NCOA1: variants seen among roughly 807,000 people sequenced by gnomAD.
The protein encoded by NCOA1 is Hin-2 protein.
NCOA1 carries 35 observed loss-of-function variants against 150.9 expected under a neutral mutation model. The observed-to-expected ratio is 0.23, with a 90% CI of 0.18 to 0.31. The LOEUF is 0.31. Ranked by LOEUF, NCOA1 falls within the 10% of genes least tolerant of loss-of-function variation. The pLI, the probability that NCOA1 is intolerant of heterozygous loss-of-function variation, is 1.00. For synonymous variants in NCOA1, 590 were observed against 630.0 expected, an observed-to-expected ratio of 0.94 and a Z score of 0.95; for missense variants, 1,491 against 1,749.3, an observed-to-expected ratio of 0.85 and a Z score of 2.63.
At chr2:24,592,577 AATTTT>A (rs1667700760) in intron 3 of NCOA1, among the ~76,000 whole-genome samples, 1 of 86,926 alleles carries the variant, frequency 1.2e-5, no homozygotes, top group African/African-American at 3.9e-5. Context: ...ATCCCCTCCT[AATTTT>A]TTTTTTTTTT....
At chr2:24,693,426 G>A (rs1166149222) in intron 10 of NCOA1, 79 bp downstream of exon 10, 1 of 1,238,854 alleles carries the variant, frequency 8.1e-7, no homozygotes, top group African/African-American at 1.5e-5. Flanking sequence ...TATCCAGAAT[G>A]TCTTTCTGTT....
chr2:24,496,908 ACT>A (rs1277105850), intron 1 of NCOA1, among the ~76,000 whole-genome samples: 2 of 152,300 alleles, frequency 1.3e-5, no homozygotes, highest in African/African-American at 2.4e-5. Context: ...CCAAAATATG[ACT>A]CTCAAATATT....
rs558479228 is a variant in NCOA1, at chr2:24,631,656, GTCATA to G, written c.-174-12304_-174-12300del. ...CATTAAGCCACAATTTCTTTTGACA[GTCATA>G]TCATAAGGCAATATTTGGTAATGGA... is the stretch of plus-strand genomic sequence containing the variant. On this transcript the variant is annotated intron_variant, in intron 3 of 22. Transcript: ENST00000348332. Among the ~76,000 whole-genome samples the G allele has an allele frequency of 7.2e-5, 11 of 152,234 alleles. No individual in the cohort carries two copies. In the East Asian group the frequency reaches 1.9e-3, roughly 27 times the overall value.
chr2:24,611,183 C>T (rs1281439433), intron 3 of NCOA1, among the ~76,000 whole-genome samples: 2 of 152,180 alleles, frequency 1.3e-5, no homozygotes, highest in Admixed American at 6.5e-5. Flanking sequence ...TTAGTTCCCA[C>T]TCATAAATGA....
At chr2:24,727,389 T>C (rs934266550) in intron 15 of NCOA1, among the ~76,000 whole-genome samples, 10 of 152,256 alleles carry the variant, frequency 6.6e-5, no homozygotes, top group Admixed American at 5.9e-4. Context: ...ATATTATTAT[T>C]TTGTCCAGCA....
rs141963010 is a variant in NCOA1 at position 24,674,151 on chromosome 2, G to GTGTGTGTGTGTGTGTGTGTGTGTA, written c.354+689_354+690insGTGTGTGTGTGTGTGTGTGTGTAT. ...TGTGTGTGTGTGTGTGTGTGTGTGT[G>GTGTGTGTGTGTGTGTGTGTGTGTA]TATATATTTCTATCTCTAGGTCTAA... On this transcript the variant is annotated intron_variant, in intron 7 of 22. Coordinates refer to ENST00000348332, the MANE Select transcript of NCOA1 (RefSeq NM_003743.5). Among the ~76,000 whole-genome samples, 5 of 145,172 alleles carry GTGTGTGTGTGTGTGTGTGTGTGTA rather than the reference G, an allele frequency of 3.4e-5. No individual in the cohort carries two copies. The South Asian group carries it at 1.1e-3, about 31-fold the overall frequency.
rs1194574174 is a variant in NCOA1, at chr2:24,491,481, A to C, written c.-517A>C. ...CCCTGCGGGGGGACCCCTGCTCCGG[A>C]GGAGGGGGCCGGAGAGCCGCGGCGC... On this transcript the variant is annotated 5_prime_UTR_variant, in exon 1 of 23. Transcript: ENST00000348332. Among the ~76,000 whole-genome samples, 5 of 1,416 alleles carry C rather than the reference A, an allele frequency of 3.5e-3. No individual in the cohort carries two copies. Among genetic ancestry groups the C allele is most frequent in the Non-Finnish European group, 8.6e-3 (5 of 584 alleles). 0.9% of individuals were successfully genotyped at this position (1,416 alleles called of 152,430 possible). A position where few individuals can be genotyped will look rare whatever the true frequency, so the allele number is the denominator to read the frequency against.
intron 1 of NCOA1, among the ~76,000 whole-genome samples, chr2:24,522,424 A>G (rs948235132): frequency 6.6e-5 from 10 of 152,210 alleles, no homozygotes; most frequent in African/African-American, 1.7e-4. Context: ...TGAAGAAAAT[A>G]TGGACCTTGC....
At chr2:24,730,610 G>A (rs1662951952) in intron 17 of NCOA1, among the ~76,000 whole-genome samples, 1 of 152,152 alleles carries the variant, frequency 6.6e-6, no homozygotes, top group Admixed American at 6.5e-5. Context: ...GGAGTTGTGA[G>A]TGAGTTAAAT....
chr2:24,651,713 T>C (rs1336944185), intron 4 of NCOA1, among the ~76,000 whole-genome samples: 1 of 151,972 alleles, frequency 6.6e-6, no homozygotes, highest in Admixed American at 6.6e-5. Flanking sequence ...TTTTAAAAAA[T>C]AGGCAAAGGA....
chr2:24,625,085 A>G (rs916235869), intron 3 of NCOA1, among the ~76,000 whole-genome samples: 1 of 152,252 alleles, frequency 6.6e-6, no homozygotes, highest in Non-Finnish European at 1.5e-5. Context: ...GTCTCACGGT[A>G]AGAAACAAAT....
At chr2:24,579,507 C>A (rs1367574324) in intron 2 of NCOA1, among the ~76,000 whole-genome samples, 1 of 152,134 alleles carries the variant, frequency 6.6e-6, no homozygotes, top group Non-Finnish European at 1.5e-5. Flanking sequence ...AACTAGAGGT[C>A]CCCAAACCCT....
At chr2:24,735,385 A>C (rs891145046) in intron 17 of NCOA1, among the ~76,000 whole-genome samples, 1 of 152,190 alleles carries the variant, frequency 6.6e-6, no homozygotes, top group African/African-American at 2.4e-5. Context: ...TCCCAAATAC[A>C]GGAGACTGTA....
intron 14 of NCOA1, among the ~76,000 whole-genome samples, chr2:24,724,928 T>C (rs1558316936): frequency 1.3e-5 from 2 of 152,084 alleles, no homozygotes. Context: ...TTTTATTTTG[T>C]TGTGTTTTTC....
At chr2:24,742,612 G>A (rs1350990346) in intron 19 of NCOA1, among the ~76,000 whole-genome samples, 4 of 151,060 alleles carry the variant, frequency 2.6e-5, no homozygotes, top group South Asian at 4.2e-4. Flanking sequence ...ATGTGCCACC[G>A]TGCCCAGCTA....
At chr2:24,580,292 G>GAA (rs2148305884) in intron 2 of NCOA1, among the ~76,000 whole-genome samples, 1 of 152,306 alleles carries the variant, frequency 6.6e-6, no homozygotes, top group African/African-American at 2.4e-5. Context: ...GCCAAACATG[G>GAA]AAAATTGTCT....
intron 14 of NCOA1, among the ~76,000 whole-genome samples, chr2:24,715,868 C>T (rs1276121590): frequency 6.6e-6 from 1 of 152,096 alleles, no homozygotes; most frequent in African/African-American, 2.4e-5. Flanking sequence ...GGCGGCCGGG[C>T]GCAGTGGCTC....
chr2:24,557,737 C>A (rs1010200582), intron 1 of NCOA1, among the ~76,000 whole-genome samples: 1 of 151,994 alleles, frequency 6.6e-6, no homozygotes, highest in African/African-American at 2.4e-5. Context: ...GAACTGAATT[C>A]TATGTTCAGC....
rs748337489 is a variant in NCOA1, at chr2:24,768,356, C to T, written c.4291C>T (p.Gln1431Ter). The T allele has an allele frequency of 1.2e-6, 2 of 1,612,828 alleles. No homozygotes were observed. The highest frequency in any genetic ancestry group is 1.7e-6 in the Non-Finnish European group (2 of 1,179,274). The change falls in exon 23 of 23, where the codon CAG becomes TAG. Residue 1431 changes from glutamine to a stop codon, truncating the protein, a stop_gained. Transcript: ENST00000348332. LOFTEE classifies it high-confidence loss of function. ...AGGACCACAGACCCCCCAGGCCCAG[C>T]AGAAGAGCCTCCTTCAGCAGCTACT... ...TSGPQTPQAQQKSLLQQLLTE is the reference protein window; with the variant it reads ...TSGPQTPQAQ
Sources: gnomAD v4.1 joint callset for allele counts (sites outside exome capture counted in the v4.1 genomes callset) on GRCh38, gnomAD v4.1.1 for gene constraint, MANE v1.5 for transcripts, NCBI Gene and HGNC (gene_info 2026-07-23, HGNC 2026-07-21) for gene names.